The following SOBP variants were observed in gnomAD, a reference collection of about 807,000 sequenced individuals.
The protein encoded by SOBP is sine oculis binding protein homolog.
In SOBP, 4 loss-of-function variants were observed where a neutral mutation model predicts 53.6. That is an observed-to-expected ratio of 0.07 (90% CI 0.04 to 0.17). The LOEUF (loss-of-function observed/expected upper bound fraction) is 0.17, where lower values mean the gene tolerates loss of function less well. SOBP is among the 10% of genes least tolerant of loss of function. The pLI is 1.00. For missense variants in SOBP, 1,088 were observed against 1,204.7 expected, an observed-to-expected ratio of 0.90 and a Z score of 1.43; for synonymous variants, 584 against 522.6, an observed-to-expected ratio of 1.12 and a Z score of -1.60.
At chr6:107,520,025 A>G (rs1342536972) in intron 3 of SOBP, among the ~76,000 whole-genome samples, 1 of 152,196 alleles carries the variant, frequency 6.6e-6, no homozygotes, top group African/African-American at 2.4e-5. Context: ...TTTTCCCTTC[A>G]AAGTCCAGCA....
chr6:107,587,322 A>G (rs1318582174), intron 5 of SOBP, 147 bp downstream of exon 5: 7 of 681,262 alleles, frequency 1.0e-5, no homozygotes, highest in African/African-American at 1.8e-5. Flanking sequence ...GATATCACTG[A>G]ATATTAATTT....
chr6:107,637,814 G>A (rs1179575637), intron 6 of SOBP, among the ~76,000 whole-genome samples: 2 of 152,110 alleles, frequency 1.3e-5, no homozygotes, highest in Non-Finnish European at 2.9e-5. Flanking sequence ...TAAAATACAC[G>A]ATGGCTATTT....
At chr6:107,522,731 A>G (rs1783551208) in intron 3 of SOBP, among the ~76,000 whole-genome samples, 1 of 151,660 alleles carries the variant, frequency 6.6e-6, no homozygotes, top group East Asian at 1.9e-4. Context: ...TTTTGTAGAG[A>G]TGGTGTTTCA....
At chr6:107,541,373 C>A (rs540807072) in intron 4 of SOBP, among the ~76,000 whole-genome samples, 5 of 152,122 alleles carry the variant, frequency 3.3e-5, no homozygotes, top group Non-Finnish European at 5.9e-5. Context: ...CACCTTTGAT[C>A]GTAGAAAAAC....
intron 5 of SOBP, among the ~76,000 whole-genome samples, chr6:107,627,537 T>G (rs1770515915): frequency 6.6e-6 from 1 of 152,202 alleles, no homozygotes; most frequent in Non-Finnish European, 1.5e-5. Flanking sequence ...ATTTTTTCAC[T>G]TCTAACAAAG....
chr6:107,603,086 C>G (rs938081507), intron 5 of SOBP, among the ~76,000 whole-genome samples: 2 of 152,168 alleles, frequency 1.3e-5, no homozygotes, highest in African/African-American at 2.4e-5. Context: ...TGATACTCAG[C>G]TAGCAGATGC....
At chr6:107,550,796 T>C (rs934380574) in intron 4 of SOBP, among the ~76,000 whole-genome samples, 5 of 152,218 alleles carry the variant, frequency 3.3e-5, no homozygotes, top group Non-Finnish European at 7.3e-5. Context: ...AAAAAACCAA[T>C]GCATAACCCT....
chr6:107,659,744 T>C lies in SOBP; in HGVS notation c.*1541T>C, dbSNP rs1237475738. On this transcript the variant is annotated 3_prime_UTR_variant, in exon 7 of 7. Transcript: ENST00000317357. ...CGGCCCAAGGATGCGGTGTACATAC[T>C]GTATTTCTAGATTCTCCTTTGTACA... is the stretch of plus-strand genomic sequence containing the variant. 1 of 152,708 alleles carries C rather than the reference T, an allele frequency of 6.5e-6. No individual in the cohort carries two copies. Among genetic ancestry groups the C allele is most frequent in the Non-Finnish European group, 1.5e-5 (1 of 68,062 alleles). The allele number at this position is 152,708 out of a possible 1,614,324, so 9.5% of individuals were successfully genotyped here. A position where few individuals can be genotyped will look rare whatever the true frequency, so the allele number is the denominator to read the frequency against.
intron 2 of SOBP, among the ~76,000 whole-genome samples, chr6:107,504,202 TGTTA>T (rs1259684139): frequency 6.6e-6 from 1 of 152,232 alleles, no homozygotes; most frequent in Non-Finnish European, 1.5e-5. Context: ...AGAGATTCAC[TGTTA>T]GTTTGGTAAT....
At chr6:107,587,776 G>A (rs1393836211) in intron 5 of SOBP, among the ~76,000 whole-genome samples, 1 of 152,102 alleles carries the variant, frequency 6.6e-6, no homozygotes, top group Non-Finnish European at 1.5e-5. Context: ...TTAATTTGCT[G>A]TTCATTTTAG....
intron 3 of SOBP, among the ~76,000 whole-genome samples, chr6:107,518,808 C>A (rs28483780): frequency 3.3e-5 from 5 of 150,544 alleles, no homozygotes; most frequent in African/African-American, 1.2e-4. Flanking sequence ...GAATTCCTGC[C>A]TGCATACGAG....
chr6:107,647,048 G>A (rs1771590714), intron 6 of SOBP, among the ~76,000 whole-genome samples: 1 of 152,190 alleles, frequency 6.6e-6, no homozygotes, highest in African/African-American at 2.4e-5. Flanking sequence ...ACAGAGCTTG[G>A]GGCTGGAGTG....
chr6:107,490,835 C>A (rs758696302), intron 1 of SOBP, 123 bp downstream of exon 1: 2 of 728,170 alleles, frequency 2.7e-6, no homozygotes, highest in Non-Finnish European at 4.8e-6. Flanking sequence ...ATGCCCAGAA[C>A]GGCTCCGCTC....
intron 5 of SOBP, among the ~76,000 whole-genome samples, chr6:107,624,580 G>T (rs1278682420): frequency 1.3e-5 from 2 of 152,198 alleles, no homozygotes; most frequent in Non-Finnish European, 2.9e-5. Context: ...AATCAATGCT[G>T]GTTGACAACA....
intron 4 of SOBP, among the ~76,000 whole-genome samples, chr6:107,536,437 T>A (rs1201750193): frequency 6.6e-6 from 1 of 152,184 alleles, no homozygotes; most frequent in Non-Finnish European, 1.5e-5. Flanking sequence ...ATTGATTTGC[T>A]GCTGAAAACA....
chr6:107,551,329 A>T (rs1784452789), intron 4 of SOBP, among the ~76,000 whole-genome samples: 1 of 152,228 alleles, frequency 6.6e-6, no homozygotes, highest in Admixed American at 6.5e-5. Flanking sequence ...TGTACATAAT[A>T]ACTTTGTAAA....
intron 4 of SOBP, among the ~76,000 whole-genome samples, chr6:107,534,925 C>G (rs1013919223): frequency 6.6e-6 from 1 of 152,074 alleles, no homozygotes; most frequent in Non-Finnish European, 1.5e-5. Context: ...TCTCTGAGAC[C>G]CCGGGGCTCC....
chr6:107,529,753 A>C, intron 3 of SOBP: 3 of 270,032 alleles, frequency 1.1e-5, no homozygotes, highest in Non-Finnish European at 1.7e-5. Flanking sequence ...GCTTGATCTC[A>C]TACTTCTCTG....
intron 4 of SOBP, among the ~76,000 whole-genome samples, chr6:107,576,922 C>A (rs957318734): frequency 2.0e-5 from 3 of 152,202 alleles, no homozygotes; most frequent in Non-Finnish European, 4.4e-5. Flanking sequence ...GACATCATGT[C>A]TTTGATAAGT....
Sources: allele counts gnomAD v4.1 joint callset (sites outside exome capture counted in the v4.1 genomes callset), GRCh38; gene constraint gnomAD v4.1.1; transcripts MANE v1.5; gene names NCBI Gene and HGNC (gene_info 2026-07-23, HGNC 2026-07-21).